The following KDM4A variants were observed in gnomAD, a reference collection of about 807,000 sequenced individuals.
KDM4A encodes lysine-specific demethylase 4A.
Under a neutral mutation model 127.1 loss-of-function variants are expected in KDM4A, and 23 were observed. The observed-to-expected ratio is 0.18, with a 90% CI of 0.13 to 0.26. The LOEUF is 0.26. Ranked by LOEUF, KDM4A falls within the 10% of genes least tolerant of loss-of-function variation. The pLI is 1.00. For missense variants in KDM4A, 890 were observed against 1,329.1 expected, an observed-to-expected ratio of 0.67 and a Z score of 5.14; for synonymous variants, 443 against 466.5, an observed-to-expected ratio of 0.95 and a Z score of 0.65.
At chr1:43,677,450 C>T (rs1660768125) in intron 11 of KDM4A, among the ~76,000 whole-genome samples, 1 of 152,084 alleles carries the variant, frequency 6.6e-6, no homozygotes, top group South Asian at 2.1e-4. Flanking sequence ...AATTTACTAT[C>T]CAGTCCATAA....
In KDM4A at chr1:43,663,010, G is replaced by C; in HGVS notation, c.546G>C (p.Lys182Asn). 6.2e-7 allele frequency: 1 copy of C among 1,614,210 alleles called. No individual in the cohort carries two copies. Among genetic ancestry groups the C allele is most frequent in the Non-Finnish European group, 8.5e-7 (1 of 1,180,036 alleles). Residue 182 changes from lysine to asparagine, a missense_variant, in exon 5 of 22, where the codon AAG (lysine) becomes AAC (asparagine). Coordinates refer to ENST00000372396, the MANE Select transcript of KDM4A (RefSeq NM_014663.3). Reference protein sequence around the residue: ...NTPYLYFGMWKTSFAWHTEDM... With the variant: ...NTPYLYFGMWNTSFAWHTEDM... ...CATACCTGTACTTTGGCATGTGGAA[G>C]ACATCCTTTGCTTGGCACACTGAAG...
At chr1:43,699,709 A>G (rs1176759493) in intron 19 of KDM4A, 2 of 152,000 alleles carry the variant, frequency 1.3e-5, no homozygotes, top group Non-Finnish European at 2.9e-5. Context: ...CAATTTTGCA[A>G]ATCTCTTTAA....
intron 1 of KDM4A, 51 bp downstream of exon 1, chr1:43,650,303 G>C (rs1412890676): frequency 6.6e-6 from 1 of 150,658 alleles, no homozygotes; most frequent in South Asian, 2.1e-4. Flanking sequence ...CGCTGTAGCA[G>C]TGACCGTGAG....
At chr1:43,665,837 C>A in intron 6 of KDM4A, 92 bp downstream of exon 6, 1 of 1,321,596 alleles carries the variant, frequency 7.6e-7, no homozygotes, top group Non-Finnish European at 1.1e-6. Context: ...TGGTCAGATA[C>A]TTGCAGGTCC....
chr1:43,665,556 C>T, intron 5 of KDM4A, 140 bp from the exon 6 acceptor site: 1 of 690,194 alleles, frequency 1.4e-6, no homozygotes. Context: ...TCTAATATTT[C>T]ATTTTTTCAG....
chr1:43,652,715 C>T (rs1313344023), intron 1 of KDM4A, among the ~76,000 whole-genome samples: 3 of 133,078 alleles, frequency 2.3e-5, no homozygotes, highest in Non-Finnish European at 4.7e-5. Context: ...GAGTTTCGCT[C>T]TTGTTGCCCA....
rs552922500 is a variant in KDM4A at position 43,655,892 on chromosome 1, G to C, written c.314+126G>C. The C allele has an allele frequency of 1.4e-5, 9 of 665,094 alleles. No individual in the cohort carries two copies. In the Admixed American group the frequency reaches 1.5e-4, roughly 11 times the overall value. The allele number at this position is 665,094 out of a possible 1,614,324, so 41.2% of individuals were successfully genotyped here. On this transcript the variant is annotated intron_variant, in intron 3 of 21. Transcript: ENST00000372396. ...TCAGCAGGATGGCTCTGTTCTAGCT[G>C]TCTCCCTTTCTGCTTTTTTTATGGA...
rs1385219272 is a variant in KDM4A, at chr1:43,660,391, G to T, written c.408G>T (p.Val136=). Residue 136 remains valine (V), a synonymous_variant, in exon 4 of 22, where the codon GTG becomes GTT. Transcript: ENST00000372396. ...ATCCTCCAATCTATGGTGCAGATGT[G>T]AATGGTACCCTCTATGAAAAGGTGA... ...TFNPPIYGAD[V]NGTLYEKHVD... is the part of the protein sequence containing the mutation. 1.2e-6 allele frequency: 2 copies of T among 1,606,778 alleles called. No homozygotes were observed. The highest frequency in any genetic ancestry group is 2.2e-5 in the East Asian group (1 of 44,722).
At chr1:43,667,750 C>T in intron 8 of KDM4A, 22 bp from the exon 9 acceptor site, 1 of 1,613,930 alleles carries the variant, frequency 6.2e-7, no homozygotes, top group Non-Finnish European at 8.5e-7. Flanking sequence ...TCACCTGGTG[C>T]TCTTCTGGTT....
At chr1:43,660,085 T>C (rs1660336742) in intron 3 of KDM4A, among the ~76,000 whole-genome samples, 2 of 152,220 alleles carry the variant, frequency 1.3e-5, no homozygotes, top group Non-Finnish European at 2.9e-5. Context: ...TACATCTGTG[T>C]GTACATTACC....
chr1:43,690,635 A>G, intron 13 of KDM4A: 1 of 604,052 alleles, frequency 1.7e-6, no homozygotes. Context: ...GTTGTCCCCT[A>G]GGGGCCTTTG....
intron 12 of KDM4A, among the ~76,000 whole-genome samples, chr1:43,686,557 G>A (rs1393546722): frequency 2.0e-5 from 3 of 149,914 alleles, no homozygotes; most frequent in African/African-American, 4.9e-5. Context: ...GGCTTGTCTC[G>A]AACTCCTGAC....
chr1:43,667,985 G>A lies in KDM4A; in HGVS notation c.1129G>A (p.Val377Met). 1 of 1,614,154 alleles carries A rather than the reference G, an allele frequency of 6.2e-7. No individual in the cohort carries two copies. The highest frequency in any genetic ancestry group is 8.5e-7 in the Non-Finnish European group (1 of 1,180,014). Residue 377 changes from valine (V) to methionine (M), a missense_variant, in exon 9 of 22, where the codon GTG becomes ATG. Around this residue, in one of 7 missense-constraint regions of KDM4A, gnomAD observed 389 missense variants for 485.9 expected, o/e 0.80. Transcript: ENST00000372396. ...EECPEEDMEG[V>M]EDGEEGDLKT... ...GTGCCCAGAGGAGGACATGGAAGGGGTGGAGGATGGAGAGGAAGGAGACCT... is the reference window on the plus strand; with the variant it reads ...GTGCCCAGAGGAGGACATGGAAGGGATGGAGGATGGAGAGGAAGGAGACCT...
At chr1:43,665,923 G>T (rs1409177352) in intron 6 of KDM4A, among the ~76,000 whole-genome samples, 178 bp downstream of exon 6, 1 of 152,252 alleles carries the variant, frequency 6.6e-6, no homozygotes, top group South Asian at 2.1e-4. Context: ...TTCTTCCTTT[G>T]TCCTGACTGT....
intron 19 of KDM4A, among the ~76,000 whole-genome samples, chr1:43,701,612 C>T (rs79497703): frequency 6.6e-6 from 1 of 152,100 alleles, no homozygotes; most frequent in African/African-American, 2.4e-5. Flanking sequence ...CTCAGCCTTC[C>T]GAGTAACTGG....
intron 18 of KDM4A, among the ~76,000 whole-genome samples, chr1:43,695,810 T>C (rs1661227610): frequency 6.6e-6 from 1 of 151,564 alleles, no homozygotes; most frequent in South Asian, 2.1e-4. Flanking sequence ...ACTGATAGGG[T>C]TTATTGACCC....
chr1:43,687,963 C>A (rs1661025883), intron 12 of KDM4A, among the ~76,000 whole-genome samples: 1 of 151,740 alleles, frequency 6.6e-6, no homozygotes, highest in Non-Finnish European at 1.5e-5. Context: ...ATATAAAGGG[C>A]CAGGAAGTCA....
intron 3 of KDM4A, 38 bp from the exon 4 acceptor site, chr1:43,660,259 CT>C (rs1660341065): frequency 4.4e-6 from 7 of 1,603,846 alleles, no homozygotes; most frequent in Non-Finnish European, 6.0e-6. Context: ...TAATAAACCC[CT>C]GTAAGTGGTT....
chr1:43,662,426 G>GTCC (rs1660404850), intron 4 of KDM4A, among the ~76,000 whole-genome samples: 1 of 152,012 alleles, frequency 6.6e-6, no homozygotes, highest in Non-Finnish European at 1.5e-5. Context: ...TGGCCAAGAT[G>GTCC]GTGAAACCCC....
Sources: allele counts gnomAD v4.1 joint callset (sites outside exome capture counted in the v4.1 genomes callset), GRCh38; gene constraint gnomAD v4.1.1; regional missense constraint gnomAD v4.1.1; transcripts MANE v1.5; gene names NCBI Gene and HGNC (gene_info 2026-07-23, HGNC 2026-07-21).